The following MTHFD1 variants were observed in gnomAD, a reference collection of about 807,000 sequenced individuals.
MTHFD1 encodes methylenetetrahydrofolate dehydrogenase, cyclohydrolase and formyltetrahydrofolate synthetase 1, also known as C-1-tetrahydrofolate synthase, cytoplasmic.
A neutral mutation model predicts 110.3 loss-of-function variants in MTHFD1; 44 were observed. The ratio of observed to expected loss-of-function variants is 0.40; its 90% CI spans 0.31 to 0.51. The LOEUF (loss-of-function observed/expected upper bound fraction) is 0.51. Among genes scored for constraint, MTHFD1 ranks in the 20% least tolerant of loss-of-function variants. MTHFD1 has a pLI of 0.60. For missense variants in MTHFD1, 909 were observed against 1,173.1 expected, an observed-to-expected ratio of 0.77 and a Z score of 3.29; for synonymous variants, 402 against 428.8, an observed-to-expected ratio of 0.94 and a Z score of 0.77.
Position 64,388,384 on chromosome 14 carries a change from C to A in MTHFD1, c.-44C>A. ...CTTGGCTGCGGAGGGAGTGGAACCT[C>A]GATATTGGTGGTGTCCATCGTGGGC... On this transcript the variant is annotated 5_prime_UTR_variant, in exon 1 of 28. Coordinates refer to ENST00000652337, the MANE Select transcript of MTHFD1 (RefSeq NM_005956.4). 1.2e-6 allele frequency: 2 copies of A among 1,614,174 alleles called. No individual in the cohort carries two copies. The highest frequency in any genetic ancestry group is 1.7e-6 in the Non-Finnish European group (2 of 1,180,026).
chr14:64,412,171 G>A (rs779806945), intron 3 of MTHFD1, among the ~76,000 whole-genome samples: 2 of 152,270 alleles, frequency 1.3e-5, no homozygotes, highest in Non-Finnish European at 2.9e-5. Flanking sequence ...AACCAAAAAG[G>A]GGGAGGCAGA....
chr14:64,415,632 T>G lies in MTHFD1; in HGVS notation c.378-7T>G, dbSNP rs2078019873. 1 of 1,613,190 alleles carries G rather than the reference T, an allele frequency of 6.2e-7. No individual in the cohort carries two copies. The highest frequency in any genetic ancestry group is 8.5e-7 in the Non-Finnish European group (1 of 1,179,128). On this transcript the variant is annotated splice_polypyrimidine_tract_variant and splice_region_variant and intron_variant, in intron 5 of 27. Transcript: ENST00000652337. ...TATTTCCTTCTTATTTCCATCACTT[T>G]TTTAAGATTGACTAGCATCAATGCT...
chr14:64,411,698 T>C (rs903203656), intron 3 of MTHFD1, among the ~76,000 whole-genome samples: 6 of 152,138 alleles, frequency 3.9e-5, no homozygotes, highest in Non-Finnish European at 7.4e-5. Context: ...TCGGGAGTTT[T>C]AGACCAGCCT....
At chr14:64,450,731 AG>A (rs976502216) in intron 24 of MTHFD1, among the ~76,000 whole-genome samples, 17 of 152,122 alleles carry the variant, frequency 1.1e-4, no homozygotes, top group Admixed American at 1.0e-3. Flanking sequence ...GTTTTAAGAC[AG>A]GGTCTTGCTC....
intron 10 of MTHFD1, 91 bp downstream of exon 10, chr14:64,425,918 G>C (rs1218391396): frequency 6.4e-6 from 10 of 1,566,648 alleles, no homozygotes; most frequent in Non-Finnish European, 8.8e-6. Context: ...CCCTCTGAAG[G>C]TGCCTTCAGT....
chr14:64,412,086 G>A lies in MTHFD1; in HGVS notation c.187-386G>A, dbSNP rs10146031. Among the ~76,000 whole-genome samples the A allele has an allele frequency of 9.5e-3, 1,440 of 152,276 alleles. 17 individuals are homozygous for A. Among genetic ancestry groups the A allele is most frequent in the Admixed American group, 0.033 (507 of 15,286 alleles). On this transcript the variant is annotated intron_variant, in intron 3 of 27. Transcript: ENST00000652337. ...ACAGAAACATCATAAAGATGTTGCAGCTCACTACGAATTTCTTTGTGGGCA... is the reference window on the plus strand; with the variant it reads ...ACAGAAACATCATAAAGATGTTGCAACTCACTACGAATTTCTTTGTGGGCA...
At chr14:64,437,895 C>T (rs1304172019) in intron 16 of MTHFD1, among the ~76,000 whole-genome samples, 3 of 151,690 alleles carry the variant, frequency 2.0e-5, no homozygotes, top group African/African-American at 4.8e-5. Context: ...TTTTTTGAGA[C>T]GGAGTTTTGT....
intron 19 of MTHFD1, 162 bp from the exon 20 acceptor site, chr14:64,441,892 A>G (rs1199658412): frequency 1.5e-6 from 1 of 688,652 alleles, no homozygotes; most frequent in African/African-American, 1.8e-5. Context: ...TCTTCCTCAC[A>G]CCTGTGACTG....
intron 12 of MTHFD1, among the ~76,000 whole-genome samples, chr14:64,429,958 A>G (rs1481993343): frequency 6.6e-6 from 1 of 152,212 alleles, no homozygotes; most frequent in African/African-American, 2.4e-5. Context: ...CATATTTCTA[A>G]AGATAATGAG....
intron 2 of MTHFD1, among the ~76,000 whole-genome samples, chr14:64,409,792 G>C (rs2077967772): frequency 6.6e-6 from 1 of 152,102 alleles, no homozygotes. Context: ...TCTGTATAAG[G>C]GACAACTGAA....
intron 1 of MTHFD1, chr14:64,388,746 G>C: frequency 3.5e-6 from 2 of 579,072 alleles, no homozygotes; most frequent in South Asian, 4.2e-5. Flanking sequence ...TTTCTGCCGG[G>C]AGAGTGGGTA....
At chr14:64,400,127 G>A (rs111414573) in intron 1 of MTHFD1, among the ~76,000 whole-genome samples, 6 of 151,858 alleles carry the variant, frequency 4.0e-5, no homozygotes, top group African/African-American at 1.2e-4. Context: ...AGTGGCTCAC[G>A]CCTGTAATCC....
At chr14:64,455,273 T>G (rs1159412503) in intron 26 of MTHFD1, 1 of 211,150 alleles carries the variant, frequency 4.7e-6, no homozygotes, top group Non-Finnish European at 9.7e-6. Flanking sequence ...GGACAGAGGT[T>G]TTACTGACAG....
At position 64,427,317 on chromosome 14, in the gene MTHFD1, CT is replaced by C. The variant is rs1206190338; in HGVS notation, c.1128-16del. ...CACTTAATTCTTTAAACCTTTTTCT[CT>C]TTTGCTTTCGTCTTGAAGAATAACT... is the stretch of plus-strand genomic sequence containing the variant. On this transcript the variant is annotated intron_variant, in intron 11 of 27. Coordinates refer to ENST00000652337, the MANE Select transcript of MTHFD1 (RefSeq NM_005956.4). 3 of 1,613,884 alleles carry C rather than the reference CT, an allele frequency of 1.9e-6. No individual in the cohort carries two copies. Among genetic ancestry groups the C allele is most frequent in the African/African-American group, 1.3e-5 (1 of 75,056 alleles).
intron 12 of MTHFD1, among the ~76,000 whole-genome samples, chr14:64,428,831 C>CA (rs1289921816): frequency 6.6e-6 from 1 of 151,840 alleles, no homozygotes; most frequent in Non-Finnish European, 1.5e-5. Context: ...GGATAATAGG[C>CA]ATGAGCCACC....
intron 2 of MTHFD1, among the ~76,000 whole-genome samples, chr14:64,410,632 C>CGGGGCCAGGGAGCTTTCCATT (rs1566558749): frequency 6.6e-6 from 1 of 152,086 alleles, no homozygotes; most frequent in Non-Finnish European, 1.5e-5. Context: ...GTCTGTGTGG[C>CGGGGCCAGGGAGCTTTCCATT]GGGGCCAGGG....
At chr14:64,427,284 T>C (rs2078125744) in intron 11 of MTHFD1, 53 bp from the exon 12 acceptor site, 1 of 1,599,188 alleles carries the variant, frequency 6.3e-7, no homozygotes. Context: ...GACTTAGTGA[T>C]TCAGATACAC....
At chr14:64,459,684 G>A (rs113880270) in intron 27 of MTHFD1, 75 bp from the exon 28 acceptor site, 30,192 of 1,274,106 alleles carry the variant, frequency 0.024, 431 homozygotes, top group Middle Eastern at 0.038. Flanking sequence ...GTGGGTAATG[G>A]TGCAGTATGG....
chr14:64,438,854 ATTC>A (rs763340585), intron 16 of MTHFD1, among the ~76,000 whole-genome samples: 17 of 152,238 alleles, frequency 1.1e-4, no homozygotes, highest in Non-Finnish European at 2.2e-4. Flanking sequence ...AACTGTTTGA[ATTC>A]TCTAGATGGG....
Sources: allele counts gnomAD v4.1 joint callset (sites outside exome capture counted in the v4.1 genomes callset), GRCh38; gene constraint gnomAD v4.1.1; transcripts MANE v1.5; gene names NCBI Gene and HGNC (gene_info 2026-07-23, HGNC 2026-07-21).